The following CSMD3 variants were observed in gnomAD, a reference collection of about 807,000 sequenced individuals.
CSMD3 encodes CUB and Sushi multiple domains 3.
CSMD3 carries 177 observed loss-of-function variants against 435.2 expected under a neutral mutation model. That is an observed-to-expected ratio of 0.41 (90% CI 0.36 to 0.46). The LOEUF is 0.46. Among genes scored for constraint, CSMD3 ranks in the 20% least tolerant of loss-of-function variants. The pLI, the probability that CSMD3 is intolerant of heterozygous loss-of-function variation, is 0.34. For missense variants in CSMD3, 4,265 were observed against 4,504.6 expected (o/e 0.95, Z 1.52); for synonymous variants, 1,656 against 1,520.5 (o/e 1.09, Z -2.07).
intron 9 of CSMD3, among the ~76,000 whole-genome samples, chr8:112,924,561 T>A (rs1019185668): frequency 2.0e-5 from 3 of 151,948 alleles, no homozygotes; most frequent in African/African-American, 7.2e-5. Context: ...ATGTTTCTTT[T>A]GATTATAGAA....
intron 36 of CSMD3, among the ~76,000 whole-genome samples, chr8:112,386,213 A>AT (rs1344838030): frequency 6.6e-6 from 1 of 152,128 alleles, no homozygotes; most frequent in Non-Finnish European, 1.5e-5. Context: ...AGTAAAGCTG[A>AT]TTTTGGACTT....
At chr8:113,276,217 G>A (rs2093568823) in intron 3 of CSMD3, among the ~76,000 whole-genome samples, 8 of 152,052 alleles carry the variant, frequency 5.3e-5, no homozygotes, top group Admixed American at 5.3e-4. Flanking sequence ...TGGCCAAAAA[G>A]CCTTTGAAGA....
At chr8:113,149,240 C>T (rs947962068) in intron 4 of CSMD3, among the ~76,000 whole-genome samples, 1 of 151,808 alleles carries the variant, frequency 6.6e-6, no homozygotes, top group South Asian at 2.1e-4. Flanking sequence ...CTCACCATAA[C>T]TTTGTAGCCT....
intron 13 of CSMD3, among the ~76,000 whole-genome samples, chr8:112,780,192 T>C (rs1471087256): frequency 6.6e-6 from 1 of 151,988 alleles, no homozygotes; most frequent in Non-Finnish European, 1.5e-5. Flanking sequence ...CCTGGCGCCA[T>C]GTAGAAACGC....
chr8:112,506,649 A>C, intron 29 of CSMD3, 42 bp downstream of exon 29: 1 of 1,600,384 alleles, frequency 6.2e-7, no homozygotes, highest in South Asian at 1.1e-5. Flanking sequence ...ATGGCCTAAC[A>C]ATATATTTTT....
intron 22 of CSMD3, among the ~76,000 whole-genome samples, chr8:112,614,632 G>C (rs532761642): frequency 4.4e-4 from 67 of 152,010 alleles, no homozygotes; most frequent in East Asian, 3.7e-3. Context: ...GTTCCATCTA[G>C]AGCTTTTTAT....
At chr8:113,249,838 G>GAA (rs879277595) in intron 3 of CSMD3, among the ~76,000 whole-genome samples, 1 of 140,854 alleles carries the variant, frequency 7.1e-6, no homozygotes. Flanking sequence ...TAGTATTCAA[G>GAA]AAAAAAAAAA....
intron 13 of CSMD3, among the ~76,000 whole-genome samples, chr8:112,701,090 C>T (rs2076379137): frequency 6.6e-6 from 1 of 152,096 alleles, no homozygotes; most frequent in South Asian, 2.1e-4. Flanking sequence ...CTTAGAAATA[C>T]ACCTCCCAAG....
intron 10 of CSMD3, among the ~76,000 whole-genome samples, chr8:112,907,305 C>T (rs188385051): frequency 5.2e-4 from 79 of 151,540 alleles, no homozygotes; most frequent in Non-Finnish European, 1.2e-4. Context: ...AAAAGCTGAA[C>T]TGAAATTCAT....
chr8:112,850,071 C>A (rs568539500), intron 11 of CSMD3, among the ~76,000 whole-genome samples: 1 of 152,226 alleles, frequency 6.6e-6, no homozygotes, highest in African/African-American at 2.4e-5. Context: ...ATATTGCATG[C>A]AAAGGCTTTA....
intron 22 of CSMD3, among the ~76,000 whole-genome samples, chr8:112,587,881 T>C (rs554416450): frequency 7.2e-5 from 11 of 152,004 alleles, no homozygotes; most frequent in African/African-American, 1.4e-4. Context: ...ATTCTTATAA[T>C]AGATAAAATG....
chr8:112,942,712 G>T (rs1413060407), intron 9 of CSMD3, among the ~76,000 whole-genome samples: 1 of 151,718 alleles, frequency 6.6e-6, no homozygotes, highest in Admixed American at 6.6e-5. Flanking sequence ...GCCTACTTGA[G>T]GTTGGAGGGT....
chr8:113,107,869 A>G (rs2090527294), intron 4 of CSMD3, among the ~76,000 whole-genome samples: 1 of 152,166 alleles, frequency 6.6e-6, no homozygotes, highest in Non-Finnish European at 1.5e-5. Flanking sequence ...TTCATATTAT[A>G]TCTGTTACTT....
At chr8:112,548,238 A>C (rs113634660) in intron 27 of CSMD3, among the ~76,000 whole-genome samples, 3 of 152,098 alleles carry the variant, frequency 2.0e-5, no homozygotes, top group Non-Finnish European at 4.4e-5. Context: ...GCTTTCCTCC[A>C]TTTCTTCTCA....
chr8:112,540,734 T>A (rs1303421281), intron 27 of CSMD3, among the ~76,000 whole-genome samples: 1 of 151,926 alleles, frequency 6.6e-6, no homozygotes, highest in African/African-American at 2.4e-5. Flanking sequence ...AAAAAATTGA[T>A]CTCATGGAGG....
intron 38 of CSMD3, among the ~76,000 whole-genome samples, chr8:112,357,754 G>T (rs759562794): frequency 1.7e-4 from 26 of 152,308 alleles, no homozygotes; most frequent in Admixed American, 7.8e-4. Context: ...GGGAACCTCT[G>T]CCTAGATTTC....
rs1588462871 is a variant in CSMD3 at position 113,297,129 on chromosome 8, T to C, written c.401+17442A>G. On this transcript the variant is annotated intron_variant, in intron 2 of 70. Transcript: ENST00000297405. ...TGTTATTTGTATATATTGAATTAAA[T>C]TGTTTTATTAAGTTAATATATTAAA... Among the ~76,000 whole-genome samples the C allele has an allele frequency of 2.0e-5, 3 of 152,258 alleles. No homozygotes were observed. The East Asian group carries it at 5.8e-4, about 29-fold the overall frequency.
chr8:112,712,798 A>T (rs561944841), intron 13 of CSMD3, among the ~76,000 whole-genome samples: 3 of 71,418 alleles, frequency 4.2e-5, no homozygotes, highest in African/African-American at 9.4e-5. Flanking sequence ...TCAAAAATAA[A>T]AAAAAAAAAA....
At chr8:112,714,958 C>T (rs1011249538) in intron 13 of CSMD3, among the ~76,000 whole-genome samples, 2 of 152,004 alleles carry the variant, frequency 1.3e-5, no homozygotes, top group Non-Finnish European at 2.9e-5. Context: ...ACTAAATGCC[C>T]ACATCAGAAA....
Sources: allele counts gnomAD v4.1 joint callset (sites outside exome capture counted in the v4.1 genomes callset), GRCh38; gene constraint gnomAD v4.1.1; transcripts MANE v1.5; gene names NCBI Gene and HGNC (gene_info 2026-07-23, HGNC 2026-07-21).